The following STX17 variants were observed in gnomAD, a reference collection of about 807,000 sequenced individuals.
STX17 encodes syntaxin 17.
Under a neutral mutation model 35.9 loss-of-function variants are expected in STX17, and 29 were observed. The observed-to-expected ratio is 0.81, with a 90% CI of 0.60 to 1.10. The LOEUF (loss-of-function observed/expected upper bound fraction) is 1.10. Among genes scored for constraint, STX17 ranks in the 50% least tolerant of loss-of-function variants. STX17 has a pLI of 0.00. For synonymous variants in STX17, 92 were observed against 118.3 expected (o/e 0.78, Z 1.44); for missense variants, 312 against 352.3 (o/e 0.89, Z 0.92).
intron 6 of STX17, chr9:99,967,184 T>A: frequency 6.1e-6 from 1 of 162,844 alleles, no homozygotes; most frequent in Admixed American, 5.8e-5. Flanking sequence ...ACATAACAAT[T>A]TGTATTTATT....
chr9:99,950,664 A>G (rs1245999848), intron 3 of STX17, among the ~76,000 whole-genome samples: 1 of 151,972 alleles, frequency 6.6e-6, no homozygotes, highest in Non-Finnish European at 1.5e-5. Flanking sequence ...TTTTAATAAA[A>G]AGGGAGAAGC....
At chr9:99,940,322 G>C (rs534234766) in intron 3 of STX17, among the ~76,000 whole-genome samples, 3 of 151,484 alleles carry the variant, frequency 2.0e-5, no homozygotes, top group Non-Finnish European at 2.9e-5. Flanking sequence ...ATAAAGATGG[G>C]GTTTTACCAC....
At chr9:99,938,643 C>T (rs1265588277) in intron 3 of STX17, among the ~76,000 whole-genome samples, 2 of 152,014 alleles carry the variant, frequency 1.3e-5, no homozygotes, top group African/African-American at 4.8e-5. Context: ...AAAAATTAGC[C>T]AGGCATGGTG....
At chr9:99,967,468 C>A (rs1829937909) in intron 6 of STX17, 185 bp from the exon 7 acceptor site, 1 of 374,684 alleles carries the variant, frequency 2.7e-6, no homozygotes, top group East Asian at 4.3e-5. Context: ...ATTAAGACCC[C>A]CCCCTTTTTT....
intron 6 of STX17, among the ~76,000 whole-genome samples, chr9:99,960,380 A>G (rs1829805296): frequency 6.6e-6 from 1 of 151,994 alleles, no homozygotes; most frequent in Non-Finnish European, 1.5e-5. Context: ...TAACATTGAG[A>G]GTGTGGTCAG....
chr9:99,937,411 A>G (rs960945077), intron 3 of STX17, among the ~76,000 whole-genome samples: 2 of 152,294 alleles, frequency 1.3e-5, no homozygotes, highest in Admixed American at 6.5e-5. Flanking sequence ...AAGTTATGTG[A>G]TAGCTCACTG....
At chr9:99,956,197 A>G (rs1212729121) in intron 4 of STX17, among the ~76,000 whole-genome samples, 2 of 152,162 alleles carry the variant, frequency 1.3e-5, no homozygotes, top group African/African-American at 4.8e-5. Flanking sequence ...GACGTAAATG[A>G]CTTAAACATT....
At position 99,948,660 on chromosome 9, in the gene STX17, G is replaced by A. The variant is rs10988924; in HGVS notation, c.190-2400G>A. Among the ~76,000 whole-genome samples, 92 of 152,192 alleles carry A rather than the reference G, an allele frequency of 6.0e-4. No homozygotes were observed. The East Asian group carries it at 0.017, about 28-fold the overall frequency. On this transcript the variant is annotated intron_variant, in intron 3 of 7. Transcript: ENST00000259400. ...AAGACGTAAAGCTGTTAGCACAATC[G>A]ATAACTTTAAGTGTTGATTAAAATT...
At chr9:99,919,410 T>C (rs1828849185) in intron 2 of STX17, among the ~76,000 whole-genome samples, 1 of 152,188 alleles carries the variant, frequency 6.6e-6, no homozygotes, top group Admixed American at 6.5e-5. Flanking sequence ...TGCTTGGCTG[T>C]GGCTTGCTTC....
intron 2 of STX17, chr9:99,915,981 T>A (rs1828761194): frequency 6.6e-6 from 3 of 453,150 alleles, no homozygotes; most frequent in African/African-American, 6.0e-5. Flanking sequence ...CTGCCTTAAT[T>A]TCATTCACCC....
At chr9:99,908,081 A>G (rs1828586378) in intron 1 of STX17, among the ~76,000 whole-genome samples, 1 of 152,222 alleles carries the variant, frequency 6.6e-6, no homozygotes, top group Non-Finnish European at 1.5e-5. Flanking sequence ...GATTAAGGTT[A>G]TACATTTTTG....
chr9:99,934,135 C>T (rs2118397791), intron 3 of STX17, among the ~76,000 whole-genome samples: 1 of 152,264 alleles, frequency 6.6e-6, no homozygotes, highest in East Asian at 1.9e-4. Context: ...GTATTATCCT[C>T]ATTTTTCAGA....
intron 6 of STX17, 79 bp from the exon 7 acceptor site, chr9:99,967,574 T>C (rs1829940531): frequency 7.6e-7 from 1 of 1,308,790 alleles, no homozygotes; most frequent in East Asian, 2.4e-5. Context: ...GGGCCCTGAT[T>C]ACAGGAATTA....
chr9:99,915,970 C>T, intron 2 of STX17: 1 of 449,562 alleles, frequency 2.2e-6, no homozygotes, highest in Non-Finnish European at 4.5e-6. Flanking sequence ...GGCTAATGTA[C>T]CTGCCTTAAT....
intron 3 of STX17, among the ~76,000 whole-genome samples, chr9:99,950,090 T>G (rs1381371052): frequency 6.6e-6 from 1 of 151,938 alleles, no homozygotes; most frequent in Non-Finnish European, 1.5e-5. Flanking sequence ...CACTACAAAA[T>G]CTGTACATAA....
At chr9:99,923,079 T>C (rs1305103972) in intron 2 of STX17, among the ~76,000 whole-genome samples, 1 of 152,152 alleles carries the variant, frequency 6.6e-6, no homozygotes, top group Non-Finnish European at 1.5e-5. Context: ...CTTTTCCTCC[T>C]CCTTCATCTT....
intron 1 of STX17, among the ~76,000 whole-genome samples, chr9:99,908,913 A>G (rs984873995): frequency 6.6e-6 from 1 of 152,244 alleles, no homozygotes; most frequent in Non-Finnish European, 1.5e-5. Flanking sequence ...TTTAAAAACA[A>G]AAGTTCATCC....
chr9:99,928,769 T>C lies in STX17; in HGVS notation c.124-9T>C, dbSNP rs1829043113. Reference sequence around the variant, plus strand: ...AAAATTTAATACCTCCCTTCTTTCTTTTATATAGTATCAAAGGTGCAGAAT... The same window carrying C: ...AAAATTTAATACCTCCCTTCTTTCTCTTATATAGTATCAAAGGTGCAGAAT... On this transcript the variant is annotated splice_polypyrimidine_tract_variant and intron_variant, in intron 2 of 7. Transcript: ENST00000259400. 1.9e-6 allele frequency: 3 copies of C among 1,612,310 alleles called. No homozygotes were observed. Among genetic ancestry groups the C allele is most frequent in the South Asian group, 2.2e-5 (2 of 90,974 alleles).
rs1194513959 is a variant in STX17 at position 99,969,857 on chromosome 9, C to A, written c.*1184C>A. 1 of 152,636 alleles carries A rather than the reference C, an allele frequency of 6.6e-6. No individual in the cohort carries two copies. The highest frequency in any genetic ancestry group is 1.5e-5 in the Non-Finnish European group (1 of 68,106). The allele number at this position is 152,636 out of a possible 1,614,324, so 9.5% of individuals were successfully genotyped here. ...ATGCTTACCTTTCTCACATTCTAGA[C>A]AATGATGGACAAAGACGCATGCAAG... On this transcript the variant is annotated 3_prime_UTR_variant, in exon 8 of 8. Coordinates refer to ENST00000259400, the MANE Select transcript of STX17 (RefSeq NM_017919.3).
Sources: gnomAD v4.1 joint callset for allele counts (sites outside exome capture counted in the v4.1 genomes callset) on GRCh38, gnomAD v4.1.1 for gene constraint, MANE v1.5 for transcripts, NCBI Gene and HGNC (gene_info 2026-07-23, HGNC 2026-07-21) for gene names.